LRRC7: variants seen among roughly 807,000 people sequenced by gnomAD.
LRRC7 encodes leucine-rich repeat-containing protein 7.
A neutral mutation model predicts 175.7 loss-of-function variants in LRRC7; 23 were observed. That is an observed-to-expected ratio of 0.13 (90% CI 0.09 to 0.19). The LOEUF is 0.19. Among genes scored for constraint, LRRC7 ranks in the 10% least tolerant of loss-of-function variants. The probability of loss-of-function intolerance (pLI) is 1.00; values close to 1 mark genes in which losing one functional copy is unlikely to be tolerated. For missense variants in LRRC7, 1,354 were observed against 1,904.7 expected (o/e 0.71, Z 5.38); for synonymous variants, 685 against 680.9 (o/e 1.01, Z -0.09).
At chr1:69,639,820 T>C (rs1653934145) in intron 1 of LRRC7, among the ~76,000 whole-genome samples, 1 of 151,510 alleles carries the variant, frequency 6.6e-6, no homozygotes, top group Admixed American at 6.6e-5. Flanking sequence ...AAAACCAATA[T>C]TAAGGATAGA....
intron 7 of LRRC7, among the ~76,000 whole-genome samples, chr1:69,906,460 T>C (rs1344080116): frequency 6.6e-6 from 1 of 152,220 alleles, no homozygotes; most frequent in Non-Finnish European, 1.5e-5. Flanking sequence ...AGGGATCCAG[T>C]TTCACCTTTC....
chr1:69,605,172 C>T (rs1647327797), intron 1 of LRRC7, among the ~76,000 whole-genome samples: 1 of 152,040 alleles, frequency 6.6e-6, no homozygotes, highest in African/African-American at 2.4e-5. Context: ...ATGCTGTTCT[C>T]GTGATAGTGA....
chr1:69,901,982 CATA>C (rs1646147694), intron 7 of LRRC7, among the ~76,000 whole-genome samples: 1 of 152,038 alleles, frequency 6.6e-6, no homozygotes, highest in Non-Finnish European at 1.5e-5. Context: ...ATATTAATTT[CATA>C]ATAATTTAAT....
At position 70,135,516 on chromosome 1, in the gene LRRC7, T is replaced by A. The variant is rs1384692217; in HGVS notation, c.*13629T>A. On this transcript the variant is annotated 3_prime_UTR_variant, in exon 27 of 27. Transcript: ENST00000651989. The stretch of plus-strand genomic sequence containing the variant: ...GAAGAGAGCAGGAGAAGCTGTCACT[T>A]AAAATGCACTGAGATCCTTTTGAAA... Among the ~76,000 whole-genome samples the A allele has an allele frequency of 1.3e-5, 2 of 152,136 alleles. No individual in the cohort carries two copies. The highest frequency in any genetic ancestry group is 3.8e-4 in the East Asian group (2 of 5,196).
At chr1:69,643,439 A>C (rs1239833897) in intron 1 of LRRC7, among the ~76,000 whole-genome samples, 1 of 152,130 alleles carries the variant, frequency 6.6e-6, no homozygotes, top group Admixed American at 6.5e-5. Flanking sequence ...ATATCACATG[A>C]GGGCCCAACA....
At position 69,727,545 on chromosome 1, in the gene LRRC7, TC is replaced by T. The variant is rs138710340; in HGVS notation, c.101-32645del. 6.5e-3 allele frequency among the ~76,000 whole-genome samples: 990 copies of T among 152,276 alleles called. 49 individuals carry two copies. The East Asian group carries it at 0.092, about 14-fold the overall frequency. Reference sequence around the variant, plus strand: ...CTAGTACCATAGGGGACAATACAAGTCTAAGTGGATTCCTATAGCCACTCCC... The same window carrying T: ...CTAGTACCATAGGGGACAATACAAGTTAAGTGGATTCCTATAGCCACTCCC... On this transcript the variant is annotated intron_variant, in intron 2 of 26. Coordinates refer to ENST00000651989, the MANE Select transcript of LRRC7 (RefSeq NM_001370785.2).
intron 23 of LRRC7, among the ~76,000 whole-genome samples, chr1:70,064,536 T>C (rs1209007029): frequency 6.6e-6 from 1 of 151,622 alleles, no homozygotes; most frequent in African/African-American, 2.4e-5. Flanking sequence ...ACAAAAAAAA[T>C]CAGAAAACAT....
chr1:69,919,249 G>A, intron 7 of LRRC7: 1 of 438,476 alleles, frequency 2.3e-6, no homozygotes, highest in Non-Finnish European at 4.1e-6. Context: ...CAGTTCTGTG[G>A]TTGTAGTACA....
At chr1:70,080,282 G>T (rs1046883937) in intron 24 of LRRC7, among the ~76,000 whole-genome samples, 2 of 152,120 alleles carry the variant, frequency 1.3e-5, no homozygotes, top group Non-Finnish European at 2.9e-5. Flanking sequence ...TTTTTAACCT[G>T]ATTAAAATAA....
chr1:70,023,033 G>C (rs1274264271), intron 16 of LRRC7, 93 bp from the exon 17 acceptor site: 1 of 1,376,690 alleles, frequency 7.3e-7, no homozygotes, highest in Admixed American at 2.5e-5. Context: ...ATAACTCAGA[G>C]TGAAAGAAAA....
chr1:69,665,872 T>A (rs1031994970), intron 1 of LRRC7, among the ~76,000 whole-genome samples: 2 of 152,090 alleles, frequency 1.3e-5, no homozygotes, highest in Admixed American at 6.6e-5. Flanking sequence ...TGAAAAACAG[T>A]GGGGAAAGTG....
intron 3 of LRRC7, among the ~76,000 whole-genome samples, chr1:69,791,753 G>A (rs1675143259): frequency 6.6e-6 from 1 of 151,944 alleles, no homozygotes; most frequent in Admixed American, 6.6e-5. Context: ...AAAAGAAAAA[G>A]CAGTCAGTGG....
At chr1:69,615,221 A>G (rs537253698) in intron 1 of LRRC7, among the ~76,000 whole-genome samples, 5 of 152,136 alleles carry the variant, frequency 3.3e-5, no homozygotes, top group South Asian at 4.1e-4. Flanking sequence ...ATTTCCTTTT[A>G]AGAATTTTTT....
intron 23 of LRRC7, among the ~76,000 whole-genome samples, chr1:70,055,267 C>T (rs577976984): frequency 2.4e-4 from 36 of 152,100 alleles, no homozygotes; most frequent in South Asian, 6.2e-4. Flanking sequence ...AAGCAGAAGC[C>T]GGATCATGCT....
At chr1:70,098,634 G>A (rs967576962) in intron 25 of LRRC7, among the ~76,000 whole-genome samples, 1 of 151,780 alleles carries the variant, frequency 6.6e-6, no homozygotes, top group Non-Finnish European at 1.5e-5. Context: ...AATGATAAAG[G>A]GGATATCACC....
At chr1:70,026,696 TTAAAC>T (rs1221314270) in intron 17 of LRRC7, among the ~76,000 whole-genome samples, 2 of 152,172 alleles carry the variant, frequency 1.3e-5, no homozygotes, top group African/African-American at 4.8e-5. Flanking sequence ...TTTAAAGAGA[TTAAAC>T]TACATTTAAA....
At chr1:69,813,256 G>T (rs1232901533) in intron 4 of LRRC7, among the ~76,000 whole-genome samples, 1 of 152,024 alleles carries the variant, frequency 6.6e-6, no homozygotes, top group Non-Finnish European at 1.5e-5. Context: ...ATGTCACTGT[G>T]CTTGCTTGCT....
intron 2 of LRRC7, among the ~76,000 whole-genome samples, chr1:69,732,043 C>T (rs895901642): frequency 3.3e-5 from 5 of 151,622 alleles, no homozygotes; most frequent in Admixed American, 1.3e-4. Flanking sequence ...ACCAATGGAA[C>T]GATTATTTGA....
At chr1:69,980,355 C>G in intron 8 of LRRC7, 24 bp from the exon 9 acceptor site, 1 of 1,581,346 alleles carries the variant, frequency 6.3e-7, no homozygotes, top group Non-Finnish European at 8.7e-7. Flanking sequence ...TTTCCTCTCT[C>G]CTTCCTCCCC....
Sources: allele counts gnomAD v4.1 joint callset (sites outside exome capture counted in the v4.1 genomes callset), GRCh38; gene constraint gnomAD v4.1.1; transcripts MANE v1.5; gene names NCBI Gene and HGNC (gene_info 2026-07-23, HGNC 2026-07-21).